Variants in WASHC4 observed in about 807,000 individuals in gnomAD.
The protein encoded by WASHC4 is WASH complex subunit 7.
Under a neutral mutation model 166.6 loss-of-function variants are expected in WASHC4, and 86 were observed. That is an observed-to-expected ratio of 0.52 (90% CI 0.43 to 0.62). The LOEUF (loss-of-function observed/expected upper bound fraction) is 0.62, where lower values mean the gene tolerates loss of function less well. Among genes scored for constraint, WASHC4 ranks in the 20% least tolerant of loss-of-function variants. WASHC4 has a pLI of 0.00. For synonymous variants in WASHC4, 446 were observed against 451.6 expected (o/e 0.99, Z 0.16); for missense variants, 1,262 against 1,382.4 (o/e 0.91, Z 1.38).
chr12:105,120,914 T>C (rs530075519), intron 8 of WASHC4, among the ~76,000 whole-genome samples, 187 bp from the exon 9 acceptor site: 1 of 152,354 alleles, frequency 6.6e-6, no homozygotes, highest in Non-Finnish European at 1.5e-5. Context: ...AAGAGAAAAG[T>C]ATTCTCTATT....
intron 13 of WASHC4, among the ~76,000 whole-genome samples, chr12:105,128,574 C>G (rs1881497336): frequency 6.6e-6 from 1 of 152,154 alleles, no homozygotes; most frequent in Non-Finnish European, 1.5e-5. Context: ...ATACTGGAAA[C>G]TTTTTGAGTG....
In WASHC4 at chr12:105,122,189, A is replaced by G; in HGVS notation, c.737A>G (p.Lys246Arg). 6.2e-7 allele frequency: 1 copy of G among 1,612,060 alleles called. No homozygotes were observed. Among genetic ancestry groups the G allele is most frequent in the African/African-American group, 1.3e-5 (1 of 74,998 alleles). Residue 246 changes from lysine (K) to arginine (R), a missense_variant, in exon 10 of 33, where the codon AAG (lysine) becomes AGG (arginine). By Grantham distance (26) the Lys-to-Arg change is conservative. Transcript: ENST00000332180. ...IQEEKLKPFE[K>R]FLLKLEGQLL... ...GAAGAAAAATTAAAGCCATTTGAAAAGTTCTTGCTGAAGCTAGAAGGGCAA... is the reference window on the plus strand; with the variant it reads ...GAAGAAAAATTAAAGCCATTTGAAAGGTTCTTGCTGAAGCTAGAAGGGCAA...
At chr12:105,141,088 A>G in intron 17 of WASHC4, 43 bp downstream of exon 17, 1 of 1,612,362 alleles carries the variant, frequency 6.2e-7, no homozygotes, top group Non-Finnish European at 8.5e-7. Flanking sequence ...ATGAGATCTG[A>G]GATTTCACAG....
At chr12:105,142,636 C>A in intron 19 of WASHC4, 78 bp downstream of exon 19, 1 of 748,318 alleles carries the variant, frequency 1.3e-6, no homozygotes, top group Non-Finnish European at 2.2e-6. Flanking sequence ...TAAAATAGAT[C>A]ATTTGATTTA....
chr12:105,137,054 T>C (rs2135781343), intron 14 of WASHC4, among the ~76,000 whole-genome samples: 1 of 152,338 alleles, frequency 6.6e-6, no homozygotes, highest in Admixed American at 6.5e-5. Context: ...GGTTCCTTGC[T>C]AAACTGTACA....
intron 2 of WASHC4, among the ~76,000 whole-genome samples, chr12:105,111,833 T>G (rs977664220): frequency 3.2e-4 from 48 of 152,340 alleles, no homozygotes; most frequent in Middle Eastern, 6.8e-3. Flanking sequence ...TATTGAGCAC[T>G]TGTGTATTAC....
At chr12:105,115,585 C>G in intron 5 of WASHC4, 76 bp from the exon 6 acceptor site, 1 of 1,059,536 alleles carries the variant, frequency 9.4e-7, no homozygotes, top group Non-Finnish European at 1.5e-6. Context: ...AAAAAAAAAA[C>G]TTTTCCCCCT....
At chr12:105,133,985 A>G in intron 14 of WASHC4, 89 bp downstream of exon 14, 1 of 1,276,304 alleles carries the variant, frequency 7.8e-7, no homozygotes, top group Non-Finnish European at 1.1e-6. Flanking sequence ...AGGGTAGAGT[A>G]TGTTTTTGTT....
At chr12:105,163,386 T>A (rs911358440) in intron 30 of WASHC4, among the ~76,000 whole-genome samples, 2 of 152,244 alleles carry the variant, frequency 1.3e-5, no homozygotes, top group African/African-American at 4.8e-5. Flanking sequence ...TTGTCCACTT[T>A]GGCCTAATAT....
chr12:105,147,915 A>AC (rs1883441680), intron 24 of WASHC4: 10 of 984,826 alleles, frequency 1.0e-5, no homozygotes, highest in South Asian at 9.4e-5. Flanking sequence ...CAAAAAAAAA[A>AC]AAACAAACAA....
intron 25 of WASHC4, 142 bp from the exon 26 acceptor site, chr12:105,152,201 G>A: frequency 4.8e-6 from 3 of 620,590 alleles, no homozygotes; most frequent in South Asian, 1.9e-5. Context: ...CATTGGTAGT[G>A]TATGAATTAT....
chr12:105,142,645 T>TAATAA, intron 19 of WASHC4, 87 bp downstream of exon 19: 1 of 647,390 alleles, frequency 1.5e-6, no homozygotes, highest in South Asian at 1.6e-5. Context: ...TCATTTGATT[T>TAATAA]AATAAACTTT....
intron 22 of WASHC4, among the ~76,000 whole-genome samples, chr12:105,145,338 T>C (rs536656629): frequency 1.3e-5 from 2 of 152,148 alleles, no homozygotes; most frequent in East Asian, 3.9e-4. Flanking sequence ...CTAATTCAAT[T>C]AGTTAATGTA....
At position 105,144,380 on chromosome 12, in the gene WASHC4, G is replaced by A. The variant is rs1341707879; in HGVS notation, c.2104G>A (p.Val702Ile). The A allele has an allele frequency of 1.2e-6, 2 of 1,613,426 alleles. No individual in the cohort carries two copies. Among genetic ancestry groups the A allele is most frequent in the Non-Finnish European group, 1.7e-6 (2 of 1,179,488 alleles). ...GCTGGATGACCGAAACCCTTTCAAA[G>A]TTGGCATGAAAGACCTGGCTCTTTT... is the stretch of plus-strand genomic sequence containing the variant. ...LKLDDRNPFK[V>I]GMKDLALFFS... The change falls in exon 21 of 33, where the codon GTT becomes ATT. Residue 702 changes from valine (V) to isoleucine (I), a missense_variant. Val to Ile is a conservative substitution (Grantham distance 29, BLOSUM62 3). Transcript: ENST00000332180.
intron 14 of WASHC4, among the ~76,000 whole-genome samples, chr12:105,135,545 G>T (rs1167208788): frequency 6.6e-6 from 1 of 151,818 alleles, no homozygotes; most frequent in Non-Finnish European, 1.5e-5. Context: ...TTCCTACAAT[G>T]CCCCTAGGTG....
Position 105,126,302 on chromosome 12 carries a change from T to C in WASHC4, c.978T>C (p.Phe326=), listed in dbSNP as rs1881275575. The change falls in exon 12 of 33, where the codon TTT becomes TTC. Residue 326 remains phenylalanine, a synonymous_variant. Coordinates refer to ENST00000332180, the MANE Select transcript of WASHC4 (RefSeq NM_015275.3). Reference sequence around the variant, plus strand: ...TTTGTGGACTCTTTGTATTGCACTTTCAGATTTTTCGAACTATTGATAAAA... The same window carrying C: ...TTTGTGGACTCTTTGTATTGCACTTCCAGATTTTTCGAACTATTGATAAAA... ...VGICGLFVLH[F]QIFRTIDKKF... 1.2e-6 allele frequency: 2 copies of C among 1,607,046 alleles called. No individual in the cohort carries two copies. Among genetic ancestry groups the C allele is most frequent in the Non-Finnish European group, 8.5e-7 (1 of 1,174,294 alleles).
At chr12:105,129,107 G>A (rs1054741902) in intron 13 of WASHC4, among the ~76,000 whole-genome samples, 4 of 151,894 alleles carry the variant, frequency 2.6e-5, no homozygotes, top group Admixed American at 1.3e-4. Context: ...CACCACGCCC[G>A]GCTAATTTTT....
intron 13 of WASHC4, among the ~76,000 whole-genome samples, chr12:105,132,295 CGGAGTAG>C (rs1881905693): frequency 6.6e-6 from 1 of 152,180 alleles, no homozygotes; most frequent in African/African-American, 2.4e-5. Context: ...CCTCAGCCTC[CGGAGTAG>C]CTGAGACTAC....
At chr12:105,112,084 CCAGT>C (rs36006666) in intron 2 of WASHC4, among the ~76,000 whole-genome samples, 75,330 of 151,688 alleles carry the variant, frequency 0.5, 18,774 homozygotes, top group Middle Eastern at 0.67. Context: ...TAGGCAACCA[CCAGT>C]CAATCTACTT....
Sources: allele counts gnomAD v4.1 joint callset (sites outside exome capture counted in the v4.1 genomes callset), GRCh38; gene constraint gnomAD v4.1.1; transcripts MANE v1.5; gene names NCBI Gene and HGNC (gene_info 2026-07-23, HGNC 2026-07-21).